ITPR1: variants seen among roughly 807,000 people sequenced by gnomAD.
ITPR1 encodes inositol 1,4,5-trisphosphate-gated calcium channel ITPR1.
In ITPR1, 96 loss-of-function variants were observed where a neutral mutation model predicts 318.4. The ratio of observed to expected loss-of-function variants is 0.30; its 90% CI spans 0.26 to 0.36. The LOEUF is 0.36. ITPR1 is among the 10% of genes least tolerant of loss of function. ITPR1 has a pLI of 1.00. For missense variants in ITPR1, 2,440 were observed against 3,460.2 expected, an observed-to-expected ratio of 0.71 and a Z score of 7.40; for synonymous variants, 1,312 against 1,289.9, an observed-to-expected ratio of 1.02 and a Z score of -0.37.
intron 42 of ITPR1, among the ~76,000 whole-genome samples, chr3:4,732,280 T>C (rs2042978327): frequency 6.6e-6 from 1 of 152,200 alleles, no homozygotes; most frequent in South Asian, 2.1e-4. Context: ...GATATTTATA[T>C]TTTTAAAAAA....
At chr3:4,527,222 G>C (rs2083055683) in intron 4 of ITPR1, among the ~76,000 whole-genome samples, 1 of 152,166 alleles carries the variant, frequency 6.6e-6, no homozygotes, top group Non-Finnish European at 1.5e-5. Context: ...TGTTGCCCAG[G>C]CTGGATTGCA....
chr3:4,746,270 C>G (rs1268736837), intron 44 of ITPR1, among the ~76,000 whole-genome samples: 1 of 152,198 alleles, frequency 6.6e-6, no homozygotes, highest in African/African-American at 2.4e-5. Context: ...ACCTGCTTCC[C>G]CATCTGAACA....
intron 2 of ITPR1, among the ~76,000 whole-genome samples, chr3:4,507,554 G>T (rs77445517): frequency 0.013 from 1,929 of 152,258 alleles, 38 homozygotes; most frequent in African/African-American, 0.044. Flanking sequence ...GCAAAGAAAC[G>T]CTGAGAATGT....
chr3:4,546,006 A>G (rs2084959299), intron 4 of ITPR1, among the ~76,000 whole-genome samples: 1 of 151,936 alleles, frequency 6.6e-6, no homozygotes, highest in South Asian at 2.1e-4. Context: ...GAAATATTTA[A>G]TTTTTCTATG....
At chr3:4,649,584 T>G (rs1380770398) in intron 10 of ITPR1, among the ~76,000 whole-genome samples, 1 of 152,236 alleles carries the variant, frequency 6.6e-6, no homozygotes, top group Admixed American at 6.5e-5. Context: ...CAGTGCTGAA[T>G]GTTTCATATA....
chr3:4,803,577 G>T (rs2048374774), intron 54 of ITPR1, among the ~76,000 whole-genome samples: 1 of 152,312 alleles, frequency 6.6e-6, no homozygotes, highest in African/African-American at 2.4e-5. Flanking sequence ...AGATCAGTGT[G>T]GGGAGGGGAA....
At chr3:4,501,852 G>T (rs1472354051) in intron 2 of ITPR1, among the ~76,000 whole-genome samples, 1 of 152,190 alleles carries the variant, frequency 6.6e-6, no homozygotes, top group Non-Finnish European at 1.5e-5. Context: ...TTCACCTGCT[G>T]TCATGGGACA....
Position 4,605,146 on chromosome 3 carries a change from C to A in ITPR1, c.164-22617C>A, listed in dbSNP as rs1168067447. 2.0e-5 allele frequency among the ~76,000 whole-genome samples: 3 copies of A among 152,222 alleles called. No homozygotes were observed. The East Asian group carries it at 5.8e-4, about 29-fold the overall frequency. ...GCCACCATGCCTAGCTAATGTTTTA[C>A]ATTTTTAGTAAAGATGGGGTTTCAC... On this transcript the variant is annotated intron_variant, in intron 4 of 61. Coordinates refer to ENST00000649015, the MANE Select transcript of ITPR1 (RefSeq NM_001378452.1).
In ITPR1 at chr3:4,829,370, T is replaced by C. The variant is rs191790943; in HGVS notation, c.8029-7404T>C. ...CATGTGGTCTGAAGTCACTGTACTT[T>C]TGGGACAAAGAGAACTGAATTCCTT... On this transcript the variant is annotated intron_variant, in intron 60 of 61. Coordinates refer to ENST00000649015, the MANE Select transcript of ITPR1 (RefSeq NM_001378452.1). Among the ~76,000 whole-genome samples, 479 of 152,292 alleles carry C rather than the reference T, an allele frequency of 3.1e-3. 4 individuals are homozygous for C. The highest frequency in any genetic ancestry group is 6.8e-3 in the Admixed American group (104 of 15,298).
At chr3:4,745,652 A>G (rs1265196463) in intron 44 of ITPR1, among the ~76,000 whole-genome samples, 1 of 152,126 alleles carries the variant, frequency 6.6e-6, no homozygotes, top group Non-Finnish European at 1.5e-5. Context: ...GGGTAATCTC[A>G]TCTACTGCCC....
intron 10 of ITPR1, among the ~76,000 whole-genome samples, chr3:4,651,791 C>G (rs17041104): frequency 6.6e-6 from 1 of 152,114 alleles, no homozygotes; most frequent in Non-Finnish European, 1.5e-5. Flanking sequence ...CAGTTCTCCA[C>G]GAAAGTCCTT....
At chr3:4,768,291 C>T (rs547076820) in intron 45 of ITPR1, 10 of 515,486 alleles carry the variant, frequency 1.9e-5, no homozygotes, top group Admixed American at 3.4e-5. Flanking sequence ...ACACTGTACA[C>T]GTAGGTGAAA....
chr3:4,588,720 A>G (rs2090133615), intron 4 of ITPR1, among the ~76,000 whole-genome samples: 1 of 152,136 alleles, frequency 6.6e-6, no homozygotes, highest in African/African-American at 2.4e-5. Context: ...TTCCACTTGA[A>G]TGGACTTCAC....
chr3:4,542,421 A>C (rs2084547291), intron 4 of ITPR1, among the ~76,000 whole-genome samples: 1 of 152,208 alleles, frequency 6.6e-6, no homozygotes, highest in Non-Finnish European at 1.5e-5. Context: ...CCAACTCAAG[A>C]CTATTTAAAT....
At chr3:4,747,318 C>A (rs549097229) in intron 44 of ITPR1, among the ~76,000 whole-genome samples, 1 of 152,094 alleles carries the variant, frequency 6.6e-6, no homozygotes, top group Non-Finnish European at 1.5e-5. Context: ...ATAGAGGATC[C>A]GAGAGGTCAG....
intron 4 of ITPR1, among the ~76,000 whole-genome samples, chr3:4,572,189 C>A (rs12488824): frequency 0.24 from 37,080 of 152,106 alleles, 5,665 homozygotes; most frequent in Middle Eastern, 0.35. Context: ...TAGACTTCTC[C>A]CTTGAACTCC....
rs996919555 is a variant in ITPR1 at position 4,644,068 on chromosome 3, C to T, written c.526-68C>T. The T allele has an allele frequency of 1.0e-4, 99 of 990,530 alleles. 1 individual carries two copies. The highest frequency in any genetic ancestry group is 8.0e-4 in the South Asian group (58 of 72,662). The allele number at this position is 990,530 out of a possible 1,614,324, so 61.4% of individuals were successfully genotyped here. On this transcript the variant is annotated intron_variant, in intron 7 of 61. Transcript: ENST00000649015. Reference sequence around the variant, plus strand: ...GCACAGACTCATATGTCTTCTAGAACTGCCCAGTGGTCAATCCGCAGTCCT... The same window carrying T: ...GCACAGACTCATATGTCTTCTAGAATTGCCCAGTGGTCAATCCGCAGTCCT...
intron 4 of ITPR1, among the ~76,000 whole-genome samples, chr3:4,611,836 G>T (rs2092141423): frequency 6.6e-6 from 1 of 152,046 alleles, no homozygotes; most frequent in Non-Finnish European, 1.5e-5. Context: ...TTTCATAGAT[G>T]ATTTTTAAAA....
chr3:4,673,781 A>T (rs905956979), intron 21 of ITPR1, among the ~76,000 whole-genome samples: 4 of 152,028 alleles, frequency 2.6e-5, no homozygotes, highest in African/African-American at 9.7e-5. Flanking sequence ...ACGGGGTTTC[A>T]CCGTGTTAGC....
Sources: gnomAD v4.1 joint callset for allele counts (sites outside exome capture counted in the v4.1 genomes callset) on GRCh38, gnomAD v4.1.1 for gene constraint, MANE v1.5 for transcripts, NCBI Gene and HGNC (gene_info 2026-07-23, HGNC 2026-07-21) for gene names.